TMEM132D: variants seen among roughly 807,000 people sequenced by gnomAD.
The protein encoded by TMEM132D is mature OL transmembrane protein.
Under a neutral mutation model 62.3 loss-of-function variants are expected in TMEM132D, and 21 were observed. The observed-to-expected ratio is 0.34, with a 90% CI of 0.24 to 0.49. The LOEUF is 0.49. Among genes scored for constraint, TMEM132D ranks in the 20% least tolerant of loss-of-function variants. The probability of loss-of-function intolerance (pLI) is 0.99; values close to 1 mark genes in which losing one functional copy is unlikely to be tolerated. For synonymous variants in TMEM132D, 621 were observed against 575.6 expected (o/e 1.08, Z -1.13); for missense variants, 1,346 against 1,402.8 (o/e 0.96, Z 0.65).
At chr12:129,687,411 T>A (rs1471980905) in intron 2 of TMEM132D, among the ~76,000 whole-genome samples, 9 of 152,118 alleles carry the variant, frequency 5.9e-5, no homozygotes, top group Admixed American at 5.9e-4. Flanking sequence ...CCAGGTTCTA[T>A]GCCTGCATCC....
chr12:129,347,091 G>A (rs557567009), intron 3 of TMEM132D, among the ~76,000 whole-genome samples: 6 of 152,178 alleles, frequency 3.9e-5, no homozygotes, highest in Admixed American at 6.5e-5. Flanking sequence ...TTCCATGCTC[G>A]TGGATAGAAA....
intron 3 of TMEM132D, among the ~76,000 whole-genome samples, chr12:129,478,712 G>A (rs891827274): frequency 6.6e-6 from 1 of 152,062 alleles, no homozygotes; most frequent in Non-Finnish European, 1.5e-5. Flanking sequence ...ATCCTTTTCC[G>A]CTCTTTAGAT....
chr12:129,480,209 A>G lies in TMEM132D; in HGVS notation c.1115+50850T>C, dbSNP rs1015003013. 2.0e-5 allele frequency among the ~76,000 whole-genome samples: 3 copies of G among 152,242 alleles called. No individual in the cohort carries two copies. In the South Asian group the frequency reaches 6.2e-4, roughly 32 times the overall value. ...AGCCCTAGTGTGTGCAAGGGAGAGG[A>G]AGAAGGTGCATGGAGCTGCAGAGGG... On this transcript the variant is annotated intron_variant, in intron 3 of 8. Transcript: ENST00000422113.
chr12:129,500,531 G>A (rs946886604), intron 3 of TMEM132D, among the ~76,000 whole-genome samples: 1 of 152,072 alleles, frequency 6.6e-6, no homozygotes, highest in African/African-American at 2.4e-5. Context: ...TGCTACCACA[G>A]CAGGTAAAAC....
chr12:129,647,951 C>A (rs1565935763), intron 2 of TMEM132D, among the ~76,000 whole-genome samples: 1 of 152,192 alleles, frequency 6.6e-6, no homozygotes, highest in Non-Finnish European at 1.5e-5. Flanking sequence ...GCTGCACTAA[C>A]TTTGGGAGGA....
At chr12:129,363,264 A>G (rs1023962575) in intron 3 of TMEM132D, among the ~76,000 whole-genome samples, 3 of 152,162 alleles carry the variant, frequency 2.0e-5, no homozygotes, top group African/African-American at 7.2e-5. Flanking sequence ...GTGTCCCCAA[A>G]CGTCTGCACC....
At chr12:129,547,823 C>T (rs1191548937) in intron 2 of TMEM132D, among the ~76,000 whole-genome samples, 3 of 151,938 alleles carry the variant, frequency 2.0e-5, no homozygotes, top group South Asian at 2.1e-4. Flanking sequence ...GAAGTTTTAC[C>T]CCATGTTACA....
intron 3 of TMEM132D, among the ~76,000 whole-genome samples, chr12:129,395,235 G>GA (rs1342165170): frequency 6.6e-6 from 1 of 152,198 alleles, no homozygotes; most frequent in Non-Finnish European, 1.5e-5. Context: ...CGAGAATGAG[G>GA]AATGGTGCTT....
chr12:129,172,806 G>A (rs1877774445), intron 5 of TMEM132D, among the ~76,000 whole-genome samples: 1 of 152,094 alleles, frequency 6.6e-6, no homozygotes, highest in African/African-American at 2.4e-5. Flanking sequence ...TCAAACTCCC[G>A]GCCTCAGGCG....
At chr12:129,532,972 G>C (rs760671923) in intron 2 of TMEM132D, among the ~76,000 whole-genome samples, 3 of 152,056 alleles carry the variant, frequency 2.0e-5, no homozygotes, top group Non-Finnish European at 2.9e-5. Flanking sequence ...CGAATACATC[G>C]GAGCAGTGAT....
chr12:129,115,440 G>T (rs1593266475), intron 5 of TMEM132D, among the ~76,000 whole-genome samples: 1 of 152,268 alleles, frequency 6.6e-6, no homozygotes, highest in South Asian at 2.1e-4. Flanking sequence ...GAAGGCTGTG[G>T]ATATGAGAGA....
chr12:129,410,347 G>T (rs532231961), intron 3 of TMEM132D, among the ~76,000 whole-genome samples: 2 of 99,832 alleles, frequency 2.0e-5, no homozygotes, highest in South Asian at 7.5e-4. Flanking sequence ...AAGAAAAAAA[G>T]GTTTTGTTTG....
chr12:129,339,130 G>T (rs945795901), intron 3 of TMEM132D, among the ~76,000 whole-genome samples: 4 of 152,198 alleles, frequency 2.6e-5, no homozygotes, highest in Non-Finnish European at 2.9e-5. Flanking sequence ...AATTAGCTGG[G>T]TGTGGTGGCA....
At chr12:129,888,823 C>G (rs770448621) in intron 1 of TMEM132D, among the ~76,000 whole-genome samples, 4 of 152,206 alleles carry the variant, frequency 2.6e-5, no homozygotes, top group Non-Finnish European at 5.9e-5. Context: ...AACTCTTCCC[C>G]TACTTTCATA....
At chr12:129,828,697 GAGGGAGGGAGAAGGA>G (rs1872729506) in intron 1 of TMEM132D, among the ~76,000 whole-genome samples, 12 of 79,954 alleles carry the variant, frequency 1.5e-4, no homozygotes, top group South Asian at 6.6e-4. Flanking sequence ...GGAAGGGAGG[GAGGGAGGGAGAAGGA>G]AGGGAGGAAA....
intron 1 of TMEM132D, among the ~76,000 whole-genome samples, chr12:129,716,833 T>C (rs537055510): frequency 4.3e-4 from 66 of 152,308 alleles, no homozygotes; most frequent in Admixed American, 3.9e-3. Context: ...AAGTTTGTGG[T>C]GATTTGCTAC....
chr12:129,269,583 G>A (rs1437851627), intron 4 of TMEM132D, among the ~76,000 whole-genome samples: 2 of 152,154 alleles, frequency 1.3e-5, no homozygotes, highest in African/African-American at 4.8e-5. Flanking sequence ...GTACGTTCAC[G>A]GAGGCCGTGG....
chr12:129,353,364 T>A (rs1457868707), intron 3 of TMEM132D, among the ~76,000 whole-genome samples: 1 of 152,004 alleles, frequency 6.6e-6, no homozygotes, highest in African/African-American at 2.4e-5. Context: ...TGAGAATGAA[T>A]AAAGAGGTGA....
At chr12:129,356,112 C>G (rs1870036390) in intron 3 of TMEM132D, among the ~76,000 whole-genome samples, 1 of 151,218 alleles carries the variant, frequency 6.6e-6, no homozygotes, top group Admixed American at 6.6e-5. Context: ...ACACAAATCC[C>G]AATCTCACAG....
Sources: allele counts gnomAD v4.1 joint callset (sites outside exome capture counted in the v4.1 genomes callset), GRCh38; gene constraint gnomAD v4.1.1; transcripts MANE v1.5; gene names NCBI Gene and HGNC (gene_info 2026-07-23, HGNC 2026-07-21).